TTN: variants seen among roughly 807,000 people sequenced by gnomAD.
TTN encodes the protein titin, also known as connectin.
In TTN, 1,525 loss-of-function variants were observed where a neutral mutation model predicts 3,223.0. That is an observed-to-expected ratio of 0.47 (90% CI 0.45 to 0.49). The LOEUF (loss-of-function observed/expected upper bound fraction) is 0.49, where lower values mean the gene tolerates loss of function less well. TTN is among the 20% of genes least tolerant of loss of function. The probability of loss-of-function intolerance (pLI) is 0.00; values close to 1 mark genes in which losing one functional copy is unlikely to be tolerated. For missense variants in TTN, 40,786 were observed against 43,424.0 expected (o/e 0.94, Z 5.40); for synonymous variants, 14,094 against 15,161.0 (o/e 0.93, Z 5.17).
In TTN at chr2:178,592,179, T is replaced by C. The variant is rs1060500484; in HGVS notation, c.59725A>G (p.Ile19909Val). The C allele has an allele frequency of 5.6e-6, 9 of 1,612,618 alleles. No individual in the cohort carries two copies. In the African/African-American group the frequency reaches 1.1e-4, roughly 19 times the overall value. Reference sequence around the variant, plus strand: ...CTCCTCTCAACCACATAATTGGTAATAACAGAACCACCATCATCCAGTGGT... The same window carrying C: ...CTCCTCTCAACCACATAATTGGTAACAACAGAACCACCATCATCCAGTGGT... ...KEPLDDGGSV[I>V]TNYVVERRDV... is the part of the protein sequence containing the mutation. The change falls in exon 302 of 363, where the codon ATT becomes GTT. Residue 19909 changes from isoleucine to valine, a missense_variant. Transcript: ENST00000589042.
chr2:178,582,703 G>C, intron 313 of TTN, 111 bp from the exon 314 acceptor site: 2 of 1,134,518 alleles, frequency 1.8e-6, no homozygotes, highest in Non-Finnish European at 2.4e-6. Context: ...ATATGACCTA[G>C]GAGGTTAGTT....
Position 178,730,299 on chromosome 2 carries a change from A to G in TTN, c.18101T>C (p.Leu6034Pro). The change falls in exon 62 of 363, where the codon CTT becomes CCT. Residue 6034 changes from leucine (L) to proline (P), a missense_variant. By Grantham distance (98) the Leu-to-Pro change is moderately conservative. Transcript: ENST00000589042. ...TGTCATGGGTGCAGTGCCACCCACA[A>G]GAGCCTTTAACTGTACCCTTGTGTT... ...NPNTRVQLKA[L>P]VGGTAPMTIK... 1 of 1,612,024 alleles carries G rather than the reference A, an allele frequency of 6.2e-7. No individual in the cohort carries two copies.
chr2:178,764,123 C>T (rs1485672614), intron 43 of TTN, 54 bp downstream of exon 43: 8 of 1,613,022 alleles, frequency 5.0e-6, no homozygotes, highest in Non-Finnish European at 6.8e-6. Context: ...GAATGTTTTT[C>T]CCATGTAATT....
chr2:178,746,565 C>T (rs146866775), intron 47 of TTN: 15 of 1,613,092 alleles, frequency 9.3e-6, no homozygotes, highest in East Asian at 2.2e-5. Context: ...AGTGCCACCA[C>T]TCTTTCTTCC....
rs1341234616 is a variant in TTN, at chr2:178,585,303, C to G, written c.64441G>C (p.Gly21481Arg). 15 of 1,610,876 alleles carry G rather than the reference C, an allele frequency of 9.3e-6. No individual in the cohort carries two copies. Among genetic ancestry groups the G allele is most frequent in the Non-Finnish European group, 1.2e-5 (14 of 1,178,404 alleles). Residue 21481 changes from glycine to arginine, a missense_variant, in exon 309 of 363, where the codon GGG (glycine) becomes CGG (arginine). By Grantham distance (125) the Gly-to-Arg change is moderately radical. Coordinates refer to ENST00000589042, the MANE Select transcript of TTN (RefSeq NM_001267550.2). ...TGGGCTTCAATTCGGAGTTTTTTCCCAGCTTTGATAGTTATTTGCTCTGGC... is the reference window on the plus strand; with the variant it reads ...TGGGCTTCAATTCGGAGTTTTTTCCGAGCTTTGATAGTTATTTGCTCTGGC... ...LMPEQITIKA[G>R]KKLRIEAHVY...
intron 110 of TTN, 134 bp downstream of exon 110, chr2:178,701,394 T>C: frequency 9.6e-7 from 1 of 1,039,664 alleles, no homozygotes; most frequent in East Asian, 2.5e-5. Flanking sequence ...TTCTAATTGC[T>C]CACTGAAGAA....
At position 178,590,529 on chromosome 2, in the gene TTN, C is replaced by T; in HGVS notation, c.61196G>A (p.Gly20399Asp). 6.2e-7 allele frequency: 1 copy of T among 1,612,922 alleles called. No homozygotes were observed. The change falls in exon 304 of 363, where the codon GGT (glycine) becomes GAT (aspartate). Residue 20399 changes from glycine to aspartate, a missense_variant. Coordinates refer to ENST00000589042, the MANE Select transcript of TTN (RefSeq NM_001267550.2). ...TACATATCCTAGAATGGGGCTACCACCATCACTGAGAGGCTTTGTCCACAC... is the reference window on the plus strand; with the variant it reads ...TACATATCCTAGAATGGGGCTACCATCATCACTGAGAGGCTTTGTCCACAC... ...DLVWTKPLSDGGSPILGYVVE... is the reference protein window; with the variant it reads ...DLVWTKPLSDDGSPILGYVVE...
At chr2:178,749,293 T>C in intron 47 of TTN, 1 of 1,611,780 alleles carries the variant, frequency 6.2e-7, no homozygotes, top group Non-Finnish European at 8.5e-7. Context: ...GCAGCTTTGA[T>C]TTTTCACTTA....
At position 178,537,393 on chromosome 2, in the gene TTN, G is replaced by A. The variant is rs397517780; in HGVS notation, c.99814C>T (p.Leu33272Phe). ...TCAACTGTTCCAAAAACATTGCTGA[G>A]CTGGACTTTGTATTTCCCAGCATGA... ...KTHAGKYKVQ[L>F]SNVFGTVDAI... Residue 33272 changes from leucine (L) to phenylalanine (F), a missense_variant, in exon 355 of 363, where the codon CTC becomes TTC. Transcript: ENST00000589042. 1.4e-5 allele frequency: 23 copies of A among 1,605,672 alleles called. No individual in the cohort carries two copies. The highest frequency in any genetic ancestry group is 1.7e-5 in the Non-Finnish European group (20 of 1,174,244).
chr2:178,790,259 C>T (rs2154353740), intron 11 of TTN, 144 bp from the exon 12 acceptor site: 2 of 869,416 alleles, frequency 2.3e-6, no homozygotes, highest in East Asian at 5.5e-5. Context: ...ATTTGAGTTA[C>T]TTTGATCATC....
rs2091880335 is a variant in TTN at position 178,773,872 on chromosome 2, A to G, written c.7296T>C (p.Leu2432=). The change falls in exon 31 of 363, where the codon CTT becomes CTC. Residue 2432 remains leucine (L), a synonymous_variant. Coordinates refer to ENST00000589042, the MANE Select transcript of TTN (RefSeq NM_001267550.2). ...AGNYSFTIPA[L]GLSTSGRVSV... ...AGACACGCCCACTGGTGGAGAGGCCAAGGGCTGGAATGGTGAAAGAGTAAT... is the reference window on the plus strand; with the variant it reads ...AGACACGCCCACTGGTGGAGAGGCCGAGGGCTGGAATGGTGAAAGAGTAAT... The G allele has an allele frequency of 1.2e-6, 2 of 1,613,996 alleles. No homozygotes were observed. The highest frequency in any genetic ancestry group is 1.7e-5 in the Admixed American group (1 of 59,994).
In TTN at chr2:178,721,177, T is replaced by C. The variant is rs727504963; in HGVS notation, c.22842A>G (p.Leu7614=). The C allele has an allele frequency of 1.2e-6, 2 of 1,601,984 alleles. No homozygotes were observed. Among genetic ancestry groups the C allele is most frequent in the Non-Finnish European group, 1.7e-6 (2 of 1,171,696 alleles). The change falls in exon 79 of 363, where the codon TTA becomes TTG. Residue 7614 remains leucine, a synonymous_variant. Transcript: ENST00000589042. ...CCTGCTTTGCAACTTTTGAAGCTTC[T>C]AATTTCTTAACAAACTTTGGAGGTT... ...VKEPPKFVKK[L]EASKVAKQGE...
In TTN at chr2:178,558,153, T is replaced by G. The variant is rs989274784; in HGVS notation, c.87201A>C (p.Pro29067=). Residue 29067 remains proline (P), a synonymous_variant, in exon 328 of 363, where the codon CCA becomes CCC. Coordinates refer to ENST00000589042, the MANE Select transcript of TTN (RefSeq NM_001267550.2). ...CTTTGGGAAGTGGTTTTCCAGAGAT[T>G]GGAATGTCAACTTTAAGGTTTGAAC... The part of the protein sequence containing the change: ...RAGSNLKVDI[P]ISGKPLPKVT... 8 of 1,613,756 alleles carry G rather than the reference T, an allele frequency of 5.0e-6. No homozygotes were observed. In the African/African-American group the frequency reaches 1.1e-4, roughly 22 times the overall value.
At chr2:178,681,884 G>T in intron 135 of TTN, 146 bp from the exon 136 acceptor site, 1 of 612,060 alleles carries the variant, frequency 1.6e-6, no homozygotes, top group Non-Finnish European at 2.6e-6. Context: ...AGAGATCCAA[G>T]CAGAACAAGC....
In TTN at chr2:178,587,127, C is replaced by G; in HGVS notation, c.64084G>C (p.Asp21362His). The part of the protein sequence containing the change: ...TDVPKPVLAS[D>H]PLSEPDPPRK... ...AAAGCATAATACTTACTTAGAGGATCTGATGCAAGCACTGGTTTTGGGACA... is the reference window on the plus strand; with the variant it reads ...AAAGCATAATACTTACTTAGAGGATGTGATGCAAGCACTGGTTTTGGGACA... Residue 21362 changes from aspartate to histidine, a missense_variant, in exon 307 of 363, where the codon GAT becomes CAT. Asp to His is a moderately conservative substitution (Grantham distance 81, BLOSUM62 -1). Transcript: ENST00000589042. The G allele has an allele frequency of 6.2e-7, 1 of 1,613,206 alleles. No individual in the cohort carries two copies.
Position 178,579,232 on chromosome 2 carries a change from C to T in TTN, c.67798G>A (p.Glu22600Lys). The T allele has an allele frequency of 6.2e-7, 1 of 1,613,480 alleles. No homozygotes were observed. Among genetic ancestry groups the T allele is most frequent in the Non-Finnish European group, 8.5e-7 (1 of 1,179,580 alleles). Reference sequence around the variant, plus strand: ...AGAGTTGTGTTAACCGCAGATGACTCAACACTGACTCTAGTGTCAGTTGCT... The same window carrying T: ...AGAGTTGTGTTAACCGCAGATGACTTAACACTGACTCTAGTGTCAGTTGCT... The part of the protein sequence containing the change: ...PLATDTRVSV[E>K]SSAVNTTLIV... Residue 22600 changes from glutamate to lysine, a missense_variant, in exon 320 of 363, where the codon GAG becomes AAG. By Grantham distance (56) the Glu-to-Lys change is moderately conservative. Transcript: ENST00000589042.
At chr2:178,633,699 A>C in intron 231 of TTN, 23 bp from the exon 232 acceptor site, 1 of 1,607,846 alleles carries the variant, frequency 6.2e-7, no homozygotes, top group Non-Finnish European at 8.5e-7. Flanking sequence ...TTTAGCATAA[A>C]ATTAGAAGAA....
At chr2:178,736,142 C>T (rs1479552244) in intron 49 of TTN, 68 bp from the exon 50 acceptor site, 1 of 1,389,464 alleles carries the variant, frequency 7.2e-7, no homozygotes, top group African/African-American at 1.4e-5. Context: ...TTATATATTC[C>T]AAGACAGAGA....
chr2:178,552,939 A>C lies in TTN; in HGVS notation c.89961T>G (p.Cys29987Trp). Residue 29987 changes from cysteine (C) to tryptophan (W), a missense_variant, in exon 335 of 363, where the codon TGT becomes TGG. Coordinates refer to ENST00000589042, the MANE Select transcript of TTN (RefSeq NM_001267550.2). ...KRTWSVVSHK[C>W]SSTSFKLIDL... Reference sequence around the variant, plus strand: ...CTATTAGCTTGAAGGATGTGCTAGAACATTTGTGTGACACGACAGACCATG... The same window carrying C: ...CTATTAGCTTGAAGGATGTGCTAGACCATTTGTGTGACACGACAGACCATG... 1 of 1,613,558 alleles carries C rather than the reference A, an allele frequency of 6.2e-7. No individual in the cohort carries two copies. The highest frequency in any genetic ancestry group is 8.5e-7 in the Non-Finnish European group (1 of 1,179,776).
Sources: allele counts gnomAD v4.1 joint callset, GRCh38; gene constraint gnomAD v4.1.1; transcripts MANE v1.5; gene names NCBI Gene and HGNC (gene_info 2026-07-23, HGNC 2026-07-21).